The following CATSPERB variants were observed in gnomAD, a reference collection of about 807,000 sequenced individuals.
CATSPERB encodes the protein cation channel sperm-associated auxiliary subunit beta.
Under a neutral mutation model 128.3 loss-of-function variants are expected in CATSPERB, and 93 were observed. The observed-to-expected ratio is 0.72, with a 90% CI of 0.61 to 0.86. The LOEUF is 0.86. CATSPERB is among the 40% of genes least tolerant of loss of function. The pLI is 0.00. For synonymous variants in CATSPERB, 381 were observed against 448.8 expected (o/e 0.85, Z 1.91); for missense variants, 1,153 against 1,329.5 (o/e 0.87, Z 2.06).
At chr14:91,641,330 G>A (rs1894495862) in intron 15 of CATSPERB, among the ~76,000 whole-genome samples, 1 of 147,484 alleles carries the variant, frequency 6.8e-6, no homozygotes, top group African/African-American at 2.5e-5. Flanking sequence ...GTCCTGAATG[G>A]TAATGCCTAG....
chr14:91,668,627 C>A (rs574493575), intron 14 of CATSPERB, among the ~76,000 whole-genome samples: 2 of 152,238 alleles, frequency 1.3e-5, no homozygotes. Flanking sequence ...GCTGCTCACT[C>A]GTGGTCCACA....
rs1893211173 is a variant in CATSPERB at position 91,581,838 on chromosome 14, G to A, written c.3133-731C>T. Among the ~76,000 whole-genome samples, 3 of 152,196 alleles carry A rather than the reference G, an allele frequency of 2.0e-5. No individual in the cohort carries two copies. In the South Asian group the frequency reaches 6.2e-4, roughly 32 times the overall value. On this transcript the variant is annotated intron_variant, in intron 26 of 26. Transcript: ENST00000256343. ...GGCTTATGTTTCCTTTGTGAAGCAG[G>A]AAGCCAGATCGTCTTTTGTGGGAGA...
At chr14:91,616,819 G>T (rs1337095465) in intron 20 of CATSPERB, among the ~76,000 whole-genome samples, 1 of 129,144 alleles carries the variant, frequency 7.7e-6, no homozygotes, top group East Asian at 2.4e-4. Context: ...TCGGTTCACT[G>T]CAACCTCTGC....
At chr14:91,588,831 T>C (rs1893349236) in intron 24 of CATSPERB, among the ~76,000 whole-genome samples, 1 of 152,204 alleles carries the variant, frequency 6.6e-6, no homozygotes, top group Non-Finnish European at 1.5e-5. Context: ...ATGCAAAATA[T>C]TTAGTAGCTT....
At position 91,704,707 on chromosome 14, in the gene CATSPERB, G is replaced by A. The variant is rs113306168; in HGVS notation, c.467-6C>T. ...AGTCCACTGAAGAATCGGTTCTGTG[G>A]AAATCAAATTTGGGTGTTTAAATTG... On this transcript the variant is annotated splice_polypyrimidine_tract_variant and splice_region_variant and intron_variant, in intron 6 of 26. Coordinates refer to ENST00000256343, the MANE Select transcript of CATSPERB (RefSeq NM_024764.4). 6.0e-3 allele frequency: 9,577 copies of A among 1,609,068 alleles called. 49 individuals carry two copies. The highest frequency in any genetic ancestry group is 6.9e-3 in the Non-Finnish European group (8,164 of 1,178,162).
At chr14:91,726,326 C>A (rs1458011719) in intron 2 of CATSPERB, among the ~76,000 whole-genome samples, 2 of 152,182 alleles carry the variant, frequency 1.3e-5, no homozygotes, top group African/African-American at 2.4e-5. Flanking sequence ...AGCCAGAGCC[C>A]AGGCGTGCTC....
chr14:91,655,706 C>G (rs1490494969), intron 15 of CATSPERB, among the ~76,000 whole-genome samples: 1 of 152,058 alleles, frequency 6.6e-6, no homozygotes, highest in Non-Finnish European at 1.5e-5. Context: ...AAATTAGCCT[C>G]AAAAGGGCAA....
intron 7 of CATSPERB, among the ~76,000 whole-genome samples, chr14:91,695,129 A>AT (rs34458723): frequency 0.061 from 8,122 of 133,502 alleles, 308 homozygotes; most frequent in East Asian, 0.14. Context: ...AATGGTGGGA[A>AT]TTTTTTTTTT....
Position 91,613,391 on chromosome 14 carries a change from C to G in CATSPERB, c.2401-2714G>C, listed in dbSNP as rs536470589. 2.6e-5 allele frequency among the ~76,000 whole-genome samples: 4 copies of G among 151,964 alleles called. No homozygotes were observed. In the South Asian group the frequency reaches 6.2e-4, roughly 24 times the overall value. On this transcript the variant is annotated intron_variant, in intron 20 of 26. Transcript: ENST00000256343. The stretch of plus-strand genomic sequence containing the variant: ...ATTGACTTGAAAGGATTAGAACATA[C>G]AGTTAAATGGAATGAGCACGTCTAA...
chr14:91,585,389 T>A (rs1474203670), intron 26 of CATSPERB, among the ~76,000 whole-genome samples: 3 of 152,182 alleles, frequency 2.0e-5, no homozygotes, highest in Non-Finnish European at 4.4e-5. Flanking sequence ...AGGCAAGATC[T>A]TCTTCTTCTT....
At chr14:91,626,035 G>A (rs1005311850) in intron 17 of CATSPERB, among the ~76,000 whole-genome samples, 4 of 152,148 alleles carry the variant, frequency 2.6e-5, no homozygotes, top group African/African-American at 9.7e-5. Context: ...TGAGGCAGTG[G>A]GATCACTTGA....
intron 5 of CATSPERB, chr14:91,714,958 GAGA>G (rs771932361): frequency 1.3e-5 from 2 of 153,718 alleles, no homozygotes; most frequent in African/African-American, 2.4e-5. Context: ...ACCACAGGAA[GAGA>G]AGAATGATCA....
chr14:91,582,055 C>G (rs879816300), intron 26 of CATSPERB, among the ~76,000 whole-genome samples: 1 of 152,162 alleles, frequency 6.6e-6, no homozygotes, highest in Non-Finnish European at 1.5e-5. Flanking sequence ...ATTCCCCTCA[C>G]ATTCATTCTT....
At position 91,580,765 on chromosome 14, in the gene CATSPERB, A is replaced by G. The variant is rs1743181; in HGVS notation, c.*124T>C. ...ATGGTGAATATATTGACAAGTAGCA[A>G]TTTGAATTATAATGACAATTCTTTA... On this transcript the variant is annotated 3_prime_UTR_variant, in exon 27 of 27. Transcript: ENST00000256343. The G allele has an allele frequency of 0.56, 412,147 of 730,106 alleles. 121,438 individuals are homozygous for G. The highest frequency in any genetic ancestry group is 0.92 in the East Asian group (34,367 of 37,366). The allele number at this position is 730,106 out of a possible 1,614,324, so 45.2% of individuals were successfully genotyped here.
chr14:91,653,025 A>G (rs1224392616), intron 15 of CATSPERB, among the ~76,000 whole-genome samples: 3 of 152,190 alleles, frequency 2.0e-5, no homozygotes, highest in Non-Finnish European at 4.4e-5. Context: ...AAGGACCAAT[A>G]GAGGAGATTG....
At position 91,725,154 on chromosome 14, in the gene CATSPERB, G is replaced by C; in HGVS notation, c.94C>G (p.Arg32Gly). Residue 32 changes from arginine to glycine, a missense_variant, in exon 3 of 27, where the codon CGC (arginine) becomes GGC (glycine). Transcript: ENST00000256343. The part of the protein sequence containing the change: ...IVYNKDDTEK[R>G]FACSNKGFPQ... ...AACCCTTTGTTAGAACATGCAAAGC[G>C]TTTCTCTGTATCATCTAAATAATAA... 6.4e-7 allele frequency: 1 copy of C among 1,551,308 alleles called. No individual in the cohort carries two copies. Among genetic ancestry groups the C allele is most frequent in the South Asian group, 1.2e-5 (1 of 80,738 alleles).
At chr14:91,660,918 G>A (rs1370992565) in intron 14 of CATSPERB, among the ~76,000 whole-genome samples, 1 of 152,166 alleles carries the variant, frequency 6.6e-6, no homozygotes, top group Non-Finnish European at 1.5e-5. Context: ...CATTTTTATG[G>A]TAGGGAGGAC....
intron 10 of CATSPERB, among the ~76,000 whole-genome samples, chr14:91,688,413 T>C (rs1895412671): frequency 6.6e-6 from 1 of 152,218 alleles, no homozygotes; most frequent in African/African-American, 2.4e-5. Flanking sequence ...TGGATATGCC[T>C]ACATTTTTTC....
intron 17 of CATSPERB, among the ~76,000 whole-genome samples, chr14:91,631,620 G>A (rs966331138): frequency 1.3e-5 from 2 of 151,988 alleles, no homozygotes; most frequent in Admixed American, 1.3e-4. Context: ...AGCTGAGATC[G>A]CGCCATTGGA....
Sources: gnomAD v4.1 joint callset for allele counts (sites outside exome capture counted in the v4.1 genomes callset) on GRCh38, gnomAD v4.1.1 for gene constraint, MANE v1.5 for transcripts, NCBI Gene and HGNC (gene_info 2026-07-23, HGNC 2026-07-21) for gene names.